Variants in ZNRF3 observed in about 807,000 individuals in gnomAD.
ZNRF3 encodes the protein E3 ubiquitin-protein ligase ZNRF3.
In ZNRF3, 23 loss-of-function variants were observed where a neutral mutation model predicts 72.5. That is an observed-to-expected ratio of 0.32 (90% confidence interval 0.23 to 0.45). The LOEUF (loss-of-function observed/expected upper bound fraction) is 0.45. ZNRF3 is among the 20% of genes least tolerant of loss of function. ZNRF3 has a pLI of 1.00. For synonymous variants in ZNRF3, 610 were observed against 545.3 expected (o/e 1.12, Z -1.65); for missense variants, 1,169 against 1,272.1 (o/e 0.92, Z 1.23).
In ZNRF3 at chr22:28,947,650, T is replaced by A. The variant is rs146375144; in HGVS notation, c.301-39426T>A. On this transcript the variant is annotated intron_variant, in intron 1 of 8. Coordinates refer to ENST00000544604, the MANE Select transcript of ZNRF3 (RefSeq NM_001206998.2). ...CATCTTTTCATGTACTTATTGGCCA[T>A]TCATATACCTTCTTTGGAGAAATGC... is the stretch of plus-strand genomic sequence containing the variant. Among the ~76,000 whole-genome samples the A allele has an allele frequency of 4.1e-3, 629 of 152,310 alleles. 8 individuals are homozygous for A. Among genetic ancestry groups the A allele is most frequent in the African/African-American group, 0.014 (585 of 41,574 alleles).
chr22:28,887,476 T>A (rs1346601434), intron 1 of ZNRF3, among the ~76,000 whole-genome samples: 1 of 152,180 alleles, frequency 6.6e-6, no homozygotes, highest in African/African-American at 2.4e-5. Context: ...TCATCAGGAA[T>A]CTTGGTTCTT....
intron 8 of ZNRF3, 147 bp downstream of exon 8, chr22:29,051,095 C>T (rs1346627635): frequency 2.2e-5 from 20 of 908,298 alleles, no homozygotes; most frequent in Non-Finnish European, 1.6e-5. Flanking sequence ...GGTTACTCCT[C>T]AGCCTGGCCC....
At chr22:28,936,666 C>T (rs1285570068) in intron 1 of ZNRF3, among the ~76,000 whole-genome samples, 1 of 152,148 alleles carries the variant, frequency 6.6e-6, no homozygotes, top group African/African-American at 2.4e-5. Flanking sequence ...TTTTTTCATC[C>T]ACAGAGTAGA....
intron 2 of ZNRF3, among the ~76,000 whole-genome samples, chr22:28,993,983 T>G (rs1201151710): frequency 6.6e-6 from 1 of 152,078 alleles, no homozygotes; most frequent in Non-Finnish European, 1.5e-5. Context: ...CCAAGCCTTC[T>G]AAGCTCTGTG....
intron 1 of ZNRF3, among the ~76,000 whole-genome samples, chr22:28,958,022 C>A (rs1458285193): frequency 6.6e-6 from 1 of 151,942 alleles, no homozygotes; most frequent in African/African-American, 2.4e-5. Flanking sequence ...CCCGTCTCTA[C>A]TAAAAATACA....
In ZNRF3 at chr22:29,053,943, A is replaced by G. The variant is rs1453163024; in HGVS notation, c.*321A>G. The G allele has an allele frequency of 5.2e-6, 1 of 192,036 alleles. No homozygotes were observed. The highest frequency in any genetic ancestry group is 1.2e-4 in the East Asian group (1 of 8,006). The allele number at this position is 192,036 out of a possible 1,614,324, so 11.9% of individuals were successfully genotyped here. On this transcript the variant is annotated 3_prime_UTR_variant, in exon 9 of 9. Transcript: ENST00000544604. ...GCTTTGTTTTTTTTTAAGATATTGT[A>G]TGTAAATGTAAAAAGTTATTTAAAT...
chr22:29,009,483 G>A (rs929343890), intron 2 of ZNRF3, among the ~76,000 whole-genome samples: 23 of 152,180 alleles, frequency 1.5e-4, no homozygotes, highest in Admixed American at 9.2e-4. Context: ...AGAGTAGTGC[G>A]CGGTGGAGGG....
chr22:28,911,170 A>C (rs132541), intron 1 of ZNRF3, among the ~76,000 whole-genome samples: 3 of 151,960 alleles, frequency 2.0e-5, no homozygotes, highest in Admixed American at 6.5e-5. Context: ...GTCTGGGGAC[A>C]GAAGTGTAAG....
At chr22:29,043,224 C>T in intron 3 of ZNRF3, 75 bp from the exon 4 acceptor site, 7 of 1,524,542 alleles carry the variant, frequency 4.6e-6, no homozygotes, top group Non-Finnish European at 4.4e-6. Flanking sequence ...TGTTCCTTCC[C>T]TCCAGCCTTT....
chr22:29,034,486 A>G (rs1306436789), intron 2 of ZNRF3, among the ~76,000 whole-genome samples: 1 of 152,176 alleles, frequency 6.6e-6, no homozygotes, highest in African/African-American at 2.4e-5. Flanking sequence ...AGCGTGCTCC[A>G]TGGAAGGGAG....
At position 28,883,943 on chromosome 22, in the gene ZNRF3, G is replaced by T; in HGVS notation, c.177G>T (p.Ala59=). Residue 59 remains alanine (A), a synonymous_variant, in exon 1 of 9, where the codon GCG becomes GCT. Coordinates refer to ENST00000544604, the MANE Select transcript of ZNRF3 (RefSeq NM_001206998.2). This position sits in a 1 kb window ranked among gnomAD's most constrained non-coding sequence, Gnocchi z 5.5. ...GCGCGGCGCGGGCCAAGGAGACGGC[G>T]TTCGTGGAGGTGGTGCTGTTCGAGT... ...GPGAARAKET[A]FVEVVLFESS... 7.9e-7 allele frequency: 1 copy of T among 1,263,290 alleles called. No homozygotes were observed. Among genetic ancestry groups the T allele is most frequent in the Non-Finnish European group, 1.0e-6 (1 of 983,508 alleles). 78.3% of individuals were successfully genotyped at this position (1,263,290 alleles called of 1,614,324 possible).
chr22:29,050,086 G>C lies in ZNRF3; in HGVS notation c.1905G>C (p.Ala635=). ...EGSPPPEELP[A]VHSHGAGRGE... ...CCCCGCCTCCCGAGGAGCTCCCGGCGGTGCACAGTCATGGTGCTGGGCGGG... is the reference window on the plus strand; with the variant it reads ...CCCCGCCTCCCGAGGAGCTCCCGGCCGTGCACAGTCATGGTGCTGGGCGGG... Residue 635 remains alanine, a synonymous_variant, in exon 8 of 9, where the codon GCG becomes GCC. Transcript: ENST00000544604. 6.2e-7 allele frequency: 1 copy of C among 1,608,300 alleles called. No homozygotes were observed. The highest frequency in any genetic ancestry group is 8.5e-7 in the Non-Finnish European group (1 of 1,178,726).
At chr22:28,889,518 C>T (rs2033848447) in intron 1 of ZNRF3, among the ~76,000 whole-genome samples, 1 of 152,194 alleles carries the variant, frequency 6.6e-6, no homozygotes, top group Admixed American at 6.5e-5. Context: ...ACATCTATCA[C>T]AGCCCTATTC....
chr22:29,002,665 G>A (rs949571776), intron 2 of ZNRF3, among the ~76,000 whole-genome samples: 1 of 152,230 alleles, frequency 6.6e-6, no homozygotes, highest in African/African-American at 2.4e-5. Flanking sequence ...TTCTCAGAAG[G>A]GGATATAGGT....
chr22:28,923,934 G>T (rs553954354), intron 1 of ZNRF3, among the ~76,000 whole-genome samples: 3 of 152,240 alleles, frequency 2.0e-5, no homozygotes, highest in Admixed American at 1.3e-4. Context: ...ATGGCTTTGC[G>T]CTGGCCGGGC....
intron 1 of ZNRF3, among the ~76,000 whole-genome samples, chr22:28,951,636 G>C (rs1239514210): frequency 6.6e-6 from 1 of 152,118 alleles, no homozygotes; most frequent in Admixed American, 6.5e-5. Flanking sequence ...GTTCGTTAAG[G>C]CAGCCCTGGG....
At chr22:29,015,876 C>T (rs8139717) in intron 2 of ZNRF3, among the ~76,000 whole-genome samples, 18,789 of 151,442 alleles carry the variant, frequency 0.12, 1,644 homozygotes, top group African/African-American at 0.24. Context: ...ATTAGCTGGG[C>T]GTGGTGGCAC....
chr22:28,979,704 A>C (rs1362855044), intron 1 of ZNRF3, among the ~76,000 whole-genome samples: 2 of 152,250 alleles, frequency 1.3e-5, no homozygotes, highest in Admixed American at 1.3e-4. Flanking sequence ...ACATGGCAGC[A>C]GGCCTGCCTC....
At chr22:28,947,058 C>A (rs189879397) in intron 1 of ZNRF3, among the ~76,000 whole-genome samples, 2 of 152,162 alleles carry the variant, frequency 1.3e-5, no homozygotes, top group Admixed American at 6.5e-5. Flanking sequence ...TTGGGCTCAT[C>A]ATTTGGGAGA....
Sources: gnomAD v4.1 joint callset for allele counts (sites outside exome capture counted in the v4.1 genomes callset) on GRCh38, gnomAD v4.1.1 for gene constraint, Gnocchi (gnomAD v3.1) non-coding constraint, MANE v1.5 for transcripts, NCBI Gene and HGNC (gene_info 2026-07-23, HGNC 2026-07-21) for gene names.